DSE: variants seen among roughly 807,000 people sequenced by gnomAD.
DSE encodes the protein dermatan-sulfate epimerase.
A neutral mutation model predicts 84.4 loss-of-function variants in DSE; 36 were observed. That is an observed-to-expected ratio of 0.43 (90% confidence interval 0.33 to 0.56). The LOEUF (loss-of-function observed/expected upper bound fraction) is 0.56. Among genes scored for constraint, DSE ranks in the 20% least tolerant of loss-of-function variants. The pLI is 0.06. For synonymous variants in DSE, 410 were observed against 430.1 expected, an observed-to-expected ratio of 0.95 and a Z score of 0.58; for missense variants, 862 against 1,169.6, an observed-to-expected ratio of 0.74 and a Z score of 3.84.
chr6:116,293,398 A>G (rs1455092591), intron 2 of DSE, among the ~76,000 whole-genome samples: 1 of 151,892 alleles, frequency 6.6e-6, no homozygotes, highest in Non-Finnish European at 1.5e-5. Flanking sequence ...CAGACTCCCA[A>G]GTAATTGGGA....
At chr6:116,413,711 A>G (rs529599175) in intron 2 of DSE, among the ~76,000 whole-genome samples, 1 of 152,352 alleles carries the variant, frequency 6.6e-6, no homozygotes, top group South Asian at 2.1e-4. Context: ...ATTATCAAAG[A>G]AAATTATTCA....
chr6:116,406,450 A>T (rs1328746399), intron 2 of DSE, among the ~76,000 whole-genome samples: 1 of 152,250 alleles, frequency 6.6e-6, no homozygotes, highest in Admixed American at 6.5e-5. Context: ...ATAAGGGAAA[A>T]TGTTAGTTGG....
chr6:116,320,622 G>C (rs1215124456), intron 2 of DSE, among the ~76,000 whole-genome samples: 3 of 152,074 alleles, frequency 2.0e-5, no homozygotes, highest in Non-Finnish European at 4.4e-5. Flanking sequence ...CACATCTGGA[G>C]GCTGGAAGTC....
intron 1 of DSE, among the ~76,000 whole-genome samples, chr6:116,375,026 C>T (rs1431118549): frequency 6.6e-6 from 1 of 152,148 alleles, no homozygotes; most frequent in Non-Finnish European, 1.5e-5. Context: ...TCTGGGAGCA[C>T]CAAATTACCA....
Position 116,298,470 on chromosome 6 carries a change from A to C in DSE, c.-54+39503A>C, listed in dbSNP as rs1010774112. 1.3e-4 allele frequency among the ~76,000 whole-genome samples: 20 copies of C among 152,180 alleles called. 1 individual carries two copies. The highest frequency in any genetic ancestry group is 3.9e-4 in the African/African-American group (16 of 41,426). The stretch of plus-strand genomic sequence containing the variant: ...CAACCAGCCATTGTTAGTTTTGAAG[A>C]CAGAGGACGGGGCCACTAGCCAAGG... On this transcript the variant is annotated intron_variant, in intron 2 of 3. Coordinates refer to the DSE transcript ENST00000430252.
chr6:116,418,433 A>C (rs73767761), intron 2 of DSE, among the ~76,000 whole-genome samples: 2,361 of 152,204 alleles, frequency 0.016, 55 homozygotes, highest in African/African-American at 0.054. Flanking sequence ...GACCAACTCT[A>C]CCTTAGAGTA....
At chr6:116,392,349 G>A (rs1217539440) in intron 1 of DSE, among the ~76,000 whole-genome samples, 1 of 152,178 alleles carries the variant, frequency 6.6e-6, no homozygotes, top group Non-Finnish European at 1.5e-5. Context: ...GTTTTCCACG[G>A]GAGAGGGTGC....
chr6:116,275,682 C>T (rs890487586), intron 2 of DSE, among the ~76,000 whole-genome samples: 2 of 152,064 alleles, frequency 1.3e-5, no homozygotes, highest in Non-Finnish European at 2.9e-5. Flanking sequence ...TGCCTGTAGT[C>T]CCAGCTACTC....
chr6:116,441,166 T>A lies in DSE; in HGVS notation c.*3821T>A, dbSNP rs1285396876. On this transcript the variant is annotated 3_prime_UTR_variant, in exon 6 of 6. Coordinates refer to ENST00000644252, the MANE Select transcript of DSE (RefSeq NM_013352.4). The stretch of plus-strand genomic sequence containing the variant: ...AAATCATGTGTTCCACTACATAGTC[T>A]AAATATTTAGTATTTGGTCATCTAT... The A allele has an allele frequency of 6.6e-6, 1 of 152,238 alleles. No homozygotes were observed. Among genetic ancestry groups the A allele is most frequent in the Non-Finnish European group, 1.5e-5 (1 of 68,038 alleles). The allele number at this position is 152,238 out of a possible 1,614,324, so 9.4% of individuals were successfully genotyped here. A position where few individuals can be genotyped will look rare whatever the true frequency, so the allele number is the denominator to read the frequency against.
intron 2 of DSE, among the ~76,000 whole-genome samples, chr6:116,411,340 A>C (rs867662070): frequency 1.3e-5 from 2 of 152,282 alleles, no homozygotes; most frequent in African/African-American, 4.8e-5. Context: ...AATAGCTGGA[A>C]GAATGAGAAA....
chr6:116,277,494 A>G (rs1773202142), intron 2 of DSE: 1 of 152,342 alleles, frequency 6.6e-6, no homozygotes, highest in Non-Finnish European at 1.5e-5. Flanking sequence ...CTAGGAGTTG[A>G]TAAAAGGGCT....
chr6:116,384,748 T>A (rs1780469123), intron 1 of DSE, among the ~76,000 whole-genome samples: 1 of 152,216 alleles, frequency 6.6e-6, no homozygotes, highest in African/African-American at 2.4e-5. Flanking sequence ...TAATATATAT[T>A]TTTTAAGTGT....
chr6:116,302,377 TA>T (rs1241136977), intron 2 of DSE, among the ~76,000 whole-genome samples: 1 of 152,248 alleles, frequency 6.6e-6, no homozygotes, highest in African/African-American at 2.4e-5. Flanking sequence ...TGCATTTCTC[TA>T]ATGACCAGTG....
intron 1 of DSE, among the ~76,000 whole-genome samples, chr6:116,387,105 G>A (rs1447074512): frequency 6.6e-6 from 1 of 152,158 alleles, no homozygotes; most frequent in South Asian, 2.1e-4. Flanking sequence ...TGTAATCAGT[G>A]TCATGACTCA....
At chr6:116,255,360 C>G (rs2114582550) in intron 1 of DSE, 1 of 152,084 alleles carries the variant, frequency 6.6e-6, no homozygotes, top group South Asian at 2.1e-4. Flanking sequence ...AGTTCTGGTT[C>G]AACTAAGATA....
upstream of DSE, among the ~76,000 whole-genome samples, chr6:116,369,037 C>CA: frequency 6.6e-6 from 1 of 152,224 alleles, no homozygotes; most frequent in African/African-American, 2.4e-5. Context: ...TAAAGGGGAG[C>CA]AAATGACAGT....
chr6:116,276,607 T>C (rs1297675042), intron 2 of DSE: 2 of 152,080 alleles, frequency 1.3e-5, no homozygotes, highest in Non-Finnish European at 2.9e-5. Context: ...ACTTTAATGA[T>C]TTTAATCCAT....
chr6:116,337,739 T>G (rs551584340), intron 2 of DSE, among the ~76,000 whole-genome samples: 1 of 152,314 alleles, frequency 6.6e-6, no homozygotes, highest in South Asian at 2.1e-4. Flanking sequence ...ATAAAAGATT[T>G]AGAAAAATTA....
intron 2 of DSE, chr6:116,279,824 C>T (rs770769250): frequency 3.1e-6 from 5 of 1,612,934 alleles, no homozygotes; most frequent in African/African-American, 2.7e-5. Flanking sequence ...CCATCCAGGC[C>T]GCTCATGTTG....
Sources: allele counts gnomAD v4.1 joint callset (sites outside exome capture counted in the v4.1 genomes callset), GRCh38; gene constraint gnomAD v4.1.1; transcripts MANE v1.5; gene names NCBI Gene and HGNC (gene_info 2026-07-23, HGNC 2026-07-21).